The following USP24 variants were observed in gnomAD, a reference collection of about 807,000 sequenced individuals.
The protein encoded by USP24 is ubiquitin specific peptidase 24.
A neutral mutation model predicts 361.6 loss-of-function variants in USP24; 97 were observed. The observed-to-expected ratio is 0.27, with a 90% CI of 0.23 to 0.32. The LOEUF is 0.32. Among genes scored for constraint, USP24 ranks in the 10% least tolerant of loss-of-function variants. The pLI is 1.00. For synonymous variants in USP24, 1,098 were observed against 1,124.6 expected (o/e 0.98, Z 0.47); for missense variants, 2,353 against 3,165.6 (o/e 0.74, Z 6.16).
Position 55,208,159 on chromosome 1 carries a change from C to T in USP24, c.324+6631G>A, listed in dbSNP as rs1569825843. On this transcript the variant is annotated intron_variant, in intron 1 of 67. Transcript: ENST00000294383. Reference sequence around the variant, plus strand: ...CAGCTTAAGGTAATCACCTCTAAAACAGTGGATTCTACTTCTCACACATAA... The same window carrying T: ...CAGCTTAAGGTAATCACCTCTAAAATAGTGGATTCTACTTCTCACACATAA... Among the ~76,000 whole-genome samples, 4 of 152,278 alleles carry T rather than the reference C, an allele frequency of 2.6e-5. 1 individual carries two copies. Among genetic ancestry groups the T allele is most frequent in the African/African-American group, 9.6e-5 (4 of 41,546 alleles).
At chr1:55,160,258 A>G (rs1307982556) in intron 8 of USP24, among the ~76,000 whole-genome samples, 1 of 152,252 alleles carries the variant, frequency 6.6e-6, no homozygotes, top group African/African-American at 2.4e-5. Flanking sequence ...CTGATGAAGA[A>G]AGAGATAAAC....
rs1351659879 is a variant in USP24, at chr1:55,138,604, C to G, written c.2928+4G>C. 6.3e-7 allele frequency: 1 copy of G among 1,598,590 alleles called. No homozygotes were observed. On this transcript the variant is annotated splice_donor_region_variant and intron_variant, in intron 26 of 67. Transcript: ENST00000294383. The stretch of plus-strand genomic sequence containing the variant: ...AATGGCTGTAGTTCTTAATGTAAAC[C>G]TACCTCGACAGTGAAGGTATCTTTG...
intron 1 of USP24, among the ~76,000 whole-genome samples, chr1:55,212,155 A>T (rs1255659022): frequency 1.3e-5 from 2 of 152,232 alleles, no homozygotes; most frequent in Non-Finnish European, 2.9e-5. Context: ...CTGTTAAACA[A>T]GGGAGCTGCA....
chr1:55,172,527 A>C lies in USP24; in HGVS notation c.559-7T>G. On this transcript the variant is annotated splice_polypyrimidine_tract_variant and splice_region_variant and intron_variant, in intron 3 of 67. Transcript: ENST00000294383. Reference sequence around the variant, plus strand: ...CAGCACTTGATGTCAGGAGCTATAAAAACATAAAGGGCAATCTAGAGTCTA... The same window carrying C: ...CAGCACTTGATGTCAGGAGCTATAACAACATAAAGGGCAATCTAGAGTCTA... The C allele has an allele frequency of 6.2e-7, 1 of 1,608,860 alleles. No individual in the cohort carries two copies. The highest frequency in any genetic ancestry group is 1.1e-5 in the South Asian group (1 of 89,880).
intron 36 of USP24, among the ~76,000 whole-genome samples, chr1:55,122,827 G>A (rs1336549660): frequency 6.6e-6 from 1 of 152,200 alleles, no homozygotes; most frequent in African/African-American, 2.4e-5. Flanking sequence ...CTCAGTTCTG[G>A]AAATGAGAAG....
intron 35 of USP24, 67 bp downstream of exon 35, chr1:55,124,402 T>A: frequency 6.5e-7 from 1 of 1,530,976 alleles, no homozygotes; most frequent in Non-Finnish European, 8.8e-7. Context: ...CTGGCAAACC[T>A]ACACACAGAA....
chr1:55,163,371 A>G (rs1379453683), intron 7 of USP24, among the ~76,000 whole-genome samples: 1 of 151,988 alleles, frequency 6.6e-6, no homozygotes, highest in African/African-American at 2.4e-5. Flanking sequence ...ACAAATATGC[A>G]AAATAGATAC....
intron 1 of USP24, among the ~76,000 whole-genome samples, chr1:55,193,871 A>C (rs1644351854): frequency 6.6e-6 from 1 of 152,208 alleles, no homozygotes; most frequent in Non-Finnish European, 1.5e-5. Flanking sequence ...TCTTATGGTC[A>C]CTTGCCTAAC....
intron 32 of USP24, among the ~76,000 whole-genome samples, chr1:55,128,674 C>A (rs74073039): frequency 0.038 from 5,798 of 151,692 alleles, 351 homozygotes; most frequent in African/African-American, 0.13. Context: ...CACCCCTCCT[C>A]CTCACAAGTA....
At position 55,178,895 on chromosome 1, in the gene USP24, C is replaced by A. The variant is rs998632285; in HGVS notation, c.325-763G>T. On this transcript the variant is annotated intron_variant, in intron 1 of 67. Coordinates refer to ENST00000294383, the MANE Select transcript of USP24 (RefSeq NM_015306.3). ...AAAACAAAACAAACAACAACAACAA[C>A]AAAAAACTGCCCATTTCTCATGATA... is the stretch of plus-strand genomic sequence containing the variant. 1.8e-4 allele frequency among the ~76,000 whole-genome samples: 28 copies of A among 152,004 alleles called. 1 individual carries two copies. Among genetic ancestry groups the A allele is most frequent in the Non-Finnish European group, 2.8e-4 (19 of 67,956 alleles).
intron 45 of USP24, among the ~76,000 whole-genome samples, chr1:55,099,012 A>G (rs1435138003): frequency 6.6e-6 from 1 of 152,162 alleles, no homozygotes; most frequent in Non-Finnish European, 1.5e-5. Context: ...CATGGCTTAC[A>G]GGGTAGAGGT....
intron 16 of USP24, 103 bp downstream of exon 16, chr1:55,153,767 G>A: frequency 8.1e-7 from 1 of 1,232,682 alleles, no homozygotes; most frequent in Non-Finnish European, 1.1e-6. Flanking sequence ...TGAACATTAA[G>A]AAACACTAAA....
chr1:55,181,410 G>A (rs1413883127), intron 1 of USP24, among the ~76,000 whole-genome samples: 2 of 152,146 alleles, frequency 1.3e-5, no homozygotes, highest in Admixed American at 6.5e-5. Context: ...TTTTTAAAGC[G>A]TAACACTTTT....
intron 1 of USP24, among the ~76,000 whole-genome samples, chr1:55,180,995 T>C (rs547423664): frequency 6.6e-6 from 1 of 152,110 alleles, no homozygotes; most frequent in Admixed American, 6.5e-5. Context: ...CTCACCATGC[T>C]AATTTGTAAC....
Position 55,154,165 on chromosome 1 carries a change from G to C in USP24, c.1766C>G (p.Ala589Gly). ...CTTGATGATGTAGCTCCTCTTGATTGCTTCTTTCACTGCATATGCATCACT... is the reference window on the plus strand; with the variant it reads ...CTTGATGATGTAGCTCCTCTTGATTCCTTCTTTCACTGCATATGCATCACT... Reference protein sequence around the residue: ...ILSDAYAVKEAIKRSYIIKCI... With the variant: ...ILSDAYAVKEGIKRSYIIKCI... Residue 589 changes from alanine (A) to glycine (G), a missense_variant, in exon 15 of 68, where the codon GCA (alanine) becomes GGA (glycine). Physicochemically the swap from Ala to Gly is moderately conservative, Grantham distance 60. Coordinates refer to ENST00000294383, the MANE Select transcript of USP24 (RefSeq NM_015306.3). 6.2e-7 allele frequency: 1 copy of C among 1,613,604 alleles called. No homozygotes were observed. The highest frequency in any genetic ancestry group is 8.5e-7 in the Non-Finnish European group (1 of 1,179,708).
intron 36 of USP24, among the ~76,000 whole-genome samples, chr1:55,122,797 T>C (rs943546259): frequency 1.3e-5 from 2 of 152,126 alleles, no homozygotes; most frequent in Non-Finnish European, 2.9e-5. Flanking sequence ...TCTAGGATGA[T>C]ATGGGCAGGA....
chr1:55,174,941 TTTTA>T (rs1349329793), intron 3 of USP24, among the ~76,000 whole-genome samples: 1 of 152,230 alleles, frequency 6.6e-6, no homozygotes, highest in Non-Finnish European at 1.5e-5. Flanking sequence ...ATTTTGGATT[TTTTA>T]AAAGCTGCTG....
chr1:55,069,902 CA>C (rs1281300166), intron 67 of USP24, among the ~76,000 whole-genome samples: 38 of 96,550 alleles, frequency 3.9e-4, no homozygotes, highest in African/African-American at 1.5e-3. Flanking sequence ...AAAAAAAAAT[CA>C]GAAAATGGGG....
chr1:55,143,714 A>AT (rs1646951826), intron 21 of USP24, among the ~76,000 whole-genome samples: 1 of 151,822 alleles, frequency 6.6e-6, no homozygotes, highest in East Asian at 1.9e-4. Flanking sequence ...CTATTCCTCA[A>AT]TTTTTCTCCC....
Sources: gnomAD v4.1 joint callset for allele counts (sites outside exome capture counted in the v4.1 genomes callset) on GRCh38, gnomAD v4.1.1 for gene constraint, MANE v1.5 for transcripts, NCBI Gene and HGNC (gene_info 2026-07-23, HGNC 2026-07-21) for gene names.